TRPM3: variants seen among roughly 807,000 people sequenced by gnomAD.
TRPM3 encodes transient receptor potential cation channel subfamily M member 3, also known as long transient receptor potential channel 3.
TRPM3 carries 77 observed loss-of-function variants against 181.2 expected under a neutral mutation model. The observed-to-expected ratio is 0.42, with a 90% CI of 0.35 to 0.51. TRPM3 has a LOEUF of 0.51. Ranked by LOEUF, TRPM3 falls within the 20% of genes least tolerant of loss-of-function variation. The probability of loss-of-function intolerance (pLI) is 0.01; values close to 1 mark genes in which losing one functional copy is unlikely to be tolerated. For missense variants in TRPM3, 1,759 were observed against 2,196.7 expected, an observed-to-expected ratio of 0.80 and a Z score of 3.98; for synonymous variants, 745 against 796.4, an observed-to-expected ratio of 0.94 and a Z score of 1.09.
chr9:71,338,999 A>C (rs2090768802), intron 1 of TRPM3, among the ~76,000 whole-genome samples: 1 of 152,190 alleles, frequency 6.6e-6, no homozygotes, highest in Non-Finnish European at 1.5e-5. Flanking sequence ...AATGGTTAAA[A>C]TGATAAAAGA....
At chr9:71,386,686 T>A (rs1266132469) in intron 1 of TRPM3, among the ~76,000 whole-genome samples, 1 of 152,192 alleles carries the variant, frequency 6.6e-6, no homozygotes, top group East Asian at 1.9e-4. Context: ...ATATTATTCA[T>A]TATATAACAC....
intron 1 of TRPM3, among the ~76,000 whole-genome samples, chr9:71,285,614 G>A (rs139887786): frequency 5.9e-5 from 9 of 152,284 alleles, no homozygotes; most frequent in Admixed American, 5.9e-4. Context: ...TCATCTCAGG[G>A]CTACTTAGTC....
intron 1 of TRPM3, among the ~76,000 whole-genome samples, chr9:71,127,316 C>CACACACACACACACACACACACA (rs1565253257): frequency 2.5e-4 from 37 of 149,274 alleles, no homozygotes; most frequent in East Asian, 3.9e-4. Flanking sequence ...CACACACACA[C>CACACACACACACACACACACACA]CCCTGAACTG....
At chr9:70,816,428 CAG>C (rs2092694327) in intron 6 of TRPM3, among the ~76,000 whole-genome samples, 1 of 152,256 alleles carries the variant, frequency 6.6e-6, no homozygotes, top group Non-Finnish European at 1.5e-5. Flanking sequence ...AATGTTTCAA[CAG>C]AGTCAGAGGA....
rs200786804 is a variant in TRPM3, at chr9:70,536,176, C to T, written c.4937G>A (p.Arg1646His). 1.8e-4 allele frequency: 285 copies of T among 1,614,156 alleles called. 4 individuals carry two copies. In the East Asian group the frequency reaches 5.1e-3, roughly 29 times the overall value. ...SNNITVPKIE[R>H]ANSYSAEEPS... is the part of the protein sequence containing the mutation. ...CTCCTCTGCCGAGTAGCTGTTGGCG[C>T]GCTCTATCTTGGGAACAGTGATGTT... is the stretch of plus-strand genomic sequence containing the variant. Residue 1646 changes from arginine to histidine, a missense_variant, in exon 26 of 26, where the codon CGC (arginine) becomes CAC (histidine). Physicochemically the swap from Arg to His is conservative, Grantham distance 29. Transcript: ENST00000677713.
chr9:70,770,463 T>A (rs2080007015), intron 7 of TRPM3, among the ~76,000 whole-genome samples: 1 of 152,200 alleles, frequency 6.6e-6, no homozygotes, highest in South Asian at 2.1e-4. Flanking sequence ...CACAAAGTAA[T>A]TATATCACAT....
chr9:70,828,341 A>T (rs2093678396), intron 5 of TRPM3, among the ~76,000 whole-genome samples: 1 of 152,202 alleles, frequency 6.6e-6, no homozygotes, highest in African/African-American at 2.4e-5. Flanking sequence ...TTTGCTAATG[A>T]TCCCAAAATA....
chr9:70,596,165 C>G (rs549766104), intron 21 of TRPM3, among the ~76,000 whole-genome samples: 1 of 152,048 alleles, frequency 6.6e-6, no homozygotes, highest in Non-Finnish European at 1.5e-5. Flanking sequence ...ACAACAATAA[C>G]CCTATAAGAT....
rs561713610 is a variant in TRPM3, at chr9:70,593,761, G to C, written c.3049-2556C>G. ...TCCTTTTTTAAAGCTAAATTATCCA[G>C]TCGGTTCAATATTAAGAGAGCTGAT... is the stretch of plus-strand genomic sequence containing the variant. On this transcript the variant is annotated intron_variant, in intron 21 of 25. Transcript: ENST00000677713. 3.3e-5 allele frequency among the ~76,000 whole-genome samples: 5 copies of C among 151,242 alleles called. No homozygotes were observed. In the East Asian group the frequency reaches 7.7e-4, roughly 23 times the overall value.
intron 9 of TRPM3, among the ~76,000 whole-genome samples, chr9:70,665,136 G>A (rs954413412): frequency 6.6e-6 from 1 of 152,178 alleles, no homozygotes; most frequent in Non-Finnish European, 1.5e-5. Context: ...CCTGCCTGGA[G>A]TGGGAGCTGA....
At chr9:70,788,182 TC>T (rs978285950) in intron 6 of TRPM3, among the ~76,000 whole-genome samples, 52 of 98,670 alleles carry the variant, frequency 5.3e-4, no homozygotes, top group African/African-American at 2.0e-3. Context: ...CCCACCACAG[TC>T]CCCAGAGTGT....
At chr9:71,151,758 C>T (rs1460212738) in intron 1 of TRPM3, among the ~76,000 whole-genome samples, 1 of 152,008 alleles carries the variant, frequency 6.6e-6, no homozygotes, top group African/African-American at 2.4e-5. Flanking sequence ...AAATAAAGGG[C>T]TCTTAAGTAG....
At chr9:70,917,391 A>G (rs2133230587) in intron 1 of TRPM3, 1 of 902,984 alleles carries the variant, frequency 1.1e-6, no homozygotes, top group Admixed American at 1.7e-5. Context: ...CTCTTCCAAG[A>G]GCTCAGTGGG....
chr9:71,170,824 A>G (rs2076813078), intron 1 of TRPM3, among the ~76,000 whole-genome samples: 1 of 152,168 alleles, frequency 6.6e-6, no homozygotes, highest in African/African-American at 2.4e-5. Flanking sequence ...AAATGTGGGC[A>G]CCTTGAAAAA....
At chr9:70,769,009 T>G (rs2079681945) in intron 7 of TRPM3, among the ~76,000 whole-genome samples, 1 of 152,318 alleles carries the variant, frequency 6.6e-6, no homozygotes, top group Admixed American at 6.5e-5. Flanking sequence ...TCATCATATC[T>G]TATTCAGATG....
At chr9:70,997,985 A>C (rs1028250353) in intron 1 of TRPM3, among the ~76,000 whole-genome samples, 31 of 152,084 alleles carry the variant, frequency 2.0e-4, no homozygotes, top group African/African-American at 6.3e-4. Context: ...CACACAGCCC[A>C]CACAGTAACA....
At chr9:70,785,676 C>T (rs1221139027) in intron 6 of TRPM3, among the ~76,000 whole-genome samples, 11 of 152,108 alleles carry the variant, frequency 7.2e-5, no homozygotes, top group Non-Finnish European at 1.3e-4. Context: ...GTTTCTTGCT[C>T]GGGTAAAGGA....
intron 8 of TRPM3, among the ~76,000 whole-genome samples, chr9:70,701,335 C>T (rs1348886107): frequency 7.9e-5 from 12 of 152,130 alleles, no homozygotes; most frequent in South Asian, 2.1e-4. Flanking sequence ...GGAGAGTTCA[C>T]GTGTCTGCTA....
rs375490730 is a variant in TRPM3 at position 70,681,467 on chromosome 9, T to G, written c.1345+39A>C. 1.3e-5 allele frequency: 20 copies of G among 1,558,940 alleles called. No homozygotes were observed. In the African/African-American group the frequency reaches 2.2e-4, roughly 17 times the overall value. ...CATAAGGTCACTGTATTAATTCGTT[T>G]AAATTATTTTCACACTCTCTGGACA... On this transcript the variant is annotated intron_variant, in intron 9 of 25. Coordinates refer to ENST00000677713, the MANE Select transcript of TRPM3 (RefSeq NM_001366145.2).
Sources: allele counts gnomAD v4.1 joint callset (sites outside exome capture counted in the v4.1 genomes callset), GRCh38; gene constraint gnomAD v4.1.1; transcripts MANE v1.5; gene names NCBI Gene and HGNC (gene_info 2026-07-23, HGNC 2026-07-21).